PEAK1: variants seen among roughly 807,000 people sequenced by gnomAD.
The protein encoded by PEAK1 is inactive tyrosine-protein kinase PEAK1.
PEAK1 carries 54 observed loss-of-function variants against 124.7 expected under a neutral mutation model. That is an observed-to-expected ratio of 0.43 (90% confidence interval 0.35 to 0.54). The LOEUF (loss-of-function observed/expected upper bound fraction) is 0.54, where lower values mean the gene tolerates loss of function less well. Among genes scored for constraint, PEAK1 ranks in the 20% least tolerant of loss-of-function variants. The pLI, the probability that PEAK1 is intolerant of heterozygous loss-of-function variation, is 0.01. For missense variants in PEAK1, 2,046 were observed against 2,134.5 expected, an observed-to-expected ratio of 0.96 and a Z score of 0.82; for synonymous variants, 719 against 760.0, an observed-to-expected ratio of 0.95 and a Z score of 0.89.
chr15:77,229,544 C>T (rs548514814), intron 6 of PEAK1, among the ~76,000 whole-genome samples: 2 of 152,326 alleles, frequency 1.3e-5, no homozygotes, highest in East Asian at 3.9e-4. Context: ...CCTCTCCTCT[C>T]CAGTAAATCA....
intron 9 of PEAK1, among the ~76,000 whole-genome samples, chr15:77,132,006 C>A (rs749199068): frequency 2.0e-5 from 3 of 152,118 alleles, no homozygotes; most frequent in Non-Finnish European, 4.4e-5. Flanking sequence ...AAAAAAAAGA[C>A]AGAAACATGC....
chr15:77,239,151 T>C (rs1031120804), intron 6 of PEAK1, among the ~76,000 whole-genome samples: 4 of 152,206 alleles, frequency 2.6e-5, no homozygotes, highest in Non-Finnish European at 4.4e-5. Context: ...CAAATAGATA[T>C]GTTTTGGCAG....
At chr15:77,229,717 G>A (rs1158542694) in intron 6 of PEAK1, among the ~76,000 whole-genome samples, 2 of 148,762 alleles carry the variant, frequency 1.3e-5, no homozygotes, top group Non-Finnish European at 3.0e-5. Flanking sequence ...GCACAATCTC[G>A]GCTCAAAGCA....
intron 1 of PEAK1, among the ~76,000 whole-genome samples, chr15:77,397,800 C>T (rs2071018886): frequency 2.0e-5 from 3 of 152,132 alleles, no homozygotes; most frequent in African/African-American, 7.2e-5. Flanking sequence ...TGGCTCATGC[C>T]TGTAATCCCA....
At chr15:77,374,314 A>AT (rs1485469191) in intron 1 of PEAK1, among the ~76,000 whole-genome samples, 17 of 152,198 alleles carry the variant, frequency 1.1e-4, no homozygotes. Flanking sequence ...TTTACTAGGT[A>AT]TATTAATTAT....
At chr15:77,341,243 C>A (rs565840907) in intron 2 of PEAK1, among the ~76,000 whole-genome samples, 2 of 152,024 alleles carry the variant, frequency 1.3e-5, no homozygotes, top group Non-Finnish European at 2.9e-5. Flanking sequence ...TGGCTCACAC[C>A]GCCTGTAATC....
intron 9 of PEAK1, among the ~76,000 whole-genome samples, chr15:77,128,620 TG>T (rs2052585888): frequency 6.6e-6 from 1 of 152,218 alleles, no homozygotes; most frequent in African/African-American, 2.4e-5. Flanking sequence ...TAATAGAACT[TG>T]ACTTGCCAGG....
chr15:77,156,224 G>C (rs540249226), intron 8 of PEAK1: 1 of 154,706 alleles, frequency 6.5e-6, no homozygotes, highest in Non-Finnish European at 1.4e-5. Flanking sequence ...CCCCAGCCTC[G>C]GTGCTGCATT....
chr15:77,307,091 T>C (rs1226807967), intron 2 of PEAK1, among the ~76,000 whole-genome samples: 7 of 152,066 alleles, frequency 4.6e-5, no homozygotes, highest in Admixed American at 6.6e-5. Flanking sequence ...AAACAGCAAA[T>C]GGAAACATAA....
intron 6 of PEAK1, among the ~76,000 whole-genome samples, chr15:77,238,573 T>A (rs35477234): frequency 0.077 from 11,691 of 152,274 alleles, 560 homozygotes; most frequent in Non-Finnish European, 0.1. Context: ...TTTCTTCAAA[T>A]ATTTTGTGAT....
At chr15:77,334,251 G>A in intron 2 of PEAK1, 1 of 984,658 alleles carries the variant, frequency 1.0e-6, no homozygotes, top group Non-Finnish European at 1.2e-6. Context: ...AGGCTTTCAG[G>A]TAATTTTCCT....
intron 1 of PEAK1, among the ~76,000 whole-genome samples, chr15:77,382,463 C>T (rs185564966): frequency 5.3e-5 from 8 of 152,224 alleles, no homozygotes; most frequent in African/African-American, 1.7e-4. Flanking sequence ...ATGTGAGGCT[C>T]GAGTTCTTCT....
At chr15:77,236,497 C>T (rs534644257) in intron 6 of PEAK1, among the ~76,000 whole-genome samples, 2 of 152,182 alleles carry the variant, frequency 1.3e-5, no homozygotes, top group Non-Finnish European at 2.9e-5. Flanking sequence ...TTCCTGTTCC[C>T]TCCATTGTAA....
intron 2 of PEAK1, among the ~76,000 whole-genome samples, chr15:77,287,676 C>A (rs2062997711): frequency 6.6e-6 from 1 of 152,124 alleles, no homozygotes; most frequent in South Asian, 2.1e-4. Context: ...AACCCTGAAT[C>A]CTAACCTTTC....
intron 8 of PEAK1, among the ~76,000 whole-genome samples, chr15:77,151,424 G>A (rs1313644802): frequency 6.6e-6 from 1 of 152,206 alleles, no homozygotes; most frequent in African/African-American, 2.4e-5. Flanking sequence ...TTTGTCAGAT[G>A]AATAGATTGC....
At chr15:77,223,550 T>C (rs1442018921) in intron 6 of PEAK1, among the ~76,000 whole-genome samples, 1 of 152,090 alleles carries the variant, frequency 6.6e-6, no homozygotes, top group Non-Finnish European at 1.5e-5. Flanking sequence ...TCTCTAATAC[T>C]GTGGCTAGTG....
intron 6 of PEAK1, among the ~76,000 whole-genome samples, chr15:77,203,688 G>A (rs933608645): frequency 1.3e-5 from 2 of 150,712 alleles, no homozygotes; most frequent in African/African-American, 4.9e-5. Context: ...TTTCACAAAT[G>A]GTACTGAAAC....
intron 7 of PEAK1, 69 bp downstream of exon 7, chr15:77,178,721 G>A (rs941709399): frequency 3.5e-6 from 5 of 1,443,888 alleles, no homozygotes; most frequent in Non-Finnish European, 2.8e-6. Context: ...AATCTTAAAA[G>A]ATATAAAAAA....
chr15:77,271,126 G>C (rs988492814), intron 5 of PEAK1, among the ~76,000 whole-genome samples: 5 of 152,164 alleles, frequency 3.3e-5, no homozygotes, highest in African/African-American at 9.7e-5. Flanking sequence ...CGAAGGACAT[G>C]AACAGACACT....
Sources: gnomAD v4.1 joint callset for allele counts (sites outside exome capture counted in the v4.1 genomes callset) on GRCh38, gnomAD v4.1.1 for gene constraint, MANE v1.5 for transcripts, NCBI Gene and HGNC (gene_info 2026-07-23, HGNC 2026-07-21) for gene names.